The following FMNL1 variants were observed in gnomAD, a reference collection of about 807,000 sequenced individuals.
FMNL1 encodes the protein formin-like protein 1.
FMNL1 carries 43 observed loss-of-function variants against 121.3 expected under a neutral mutation model. The observed-to-expected ratio is 0.35, with a 90% CI of 0.28 to 0.46. The LOEUF is 0.46. Among genes scored for constraint, FMNL1 ranks in the 20% least tolerant of loss-of-function variants. The pLI, the probability that FMNL1 is intolerant of heterozygous loss-of-function variation, is 1.00. For missense variants in FMNL1, 1,191 were observed against 1,482.4 expected (o/e 0.80, Z 3.23); for synonymous variants, 613 against 613.5 (o/e 1.00, Z 0.01).
At chr17:45,232,623 A>ATT in intron 3 of FMNL1, 143 bp downstream of exon 3, 1 of 772,442 alleles carries the variant, frequency 1.3e-6, no homozygotes, top group Non-Finnish European at 2.2e-6. Context: ...GTGTCTGTGT[A>ATT]TTTATAGGGG....
Position 45,241,944 on chromosome 17 carries a change from G to A in FMNL1, c.1683G>A (p.Ala561=). 6.0e-6 allele frequency: 8 copies of A among 1,331,586 alleles called. No homozygotes were observed. Among genetic ancestry groups the A allele is most frequent in the Non-Finnish European group, 7.6e-6 (8 of 1,048,006 alleles). 82.5% of individuals were successfully genotyped at this position (1,331,586 alleles called of 1,614,324 possible). The part of the protein sequence containing the change: ...LPSPQEAPPS[A]PPQAPPLPGS... ...CCCCGCAGGAAGCCCCGCCCTCTGC[G>A]CCCCCACAGGCCCCGCCTCTCCCTG... The change falls in exon 15 of 27, where the codon GCG becomes GCA. Residue 561 remains alanine, a synonymous_variant. Transcript: ENST00000331495. The surrounding 1 kb of genome is among the most constrained non-coding windows in gnomAD (Gnocchi z 7.0).
In FMNL1 at chr17:45,234,055, T is replaced by C. The variant is rs1393184268; in HGVS notation, c.486-17T>C. 2 of 1,613,212 alleles carry C rather than the reference T, an allele frequency of 1.2e-6. No homozygotes were observed. Among genetic ancestry groups the C allele is most frequent in the Admixed American group, 1.7e-5 (1 of 59,938 alleles). The stretch of plus-strand genomic sequence containing the variant: ...CCTGCAGTGTTGGCCTCCAGCCCCA[T>C]TGCATCCTGTCCCCAGGTATGACAT... On this transcript the variant is annotated splice_polypyrimidine_tract_variant and intron_variant, in intron 5 of 26. Transcript: ENST00000331495.
At chr17:45,225,872 G>C (rs1025323200) in intron 1 of FMNL1, among the ~76,000 whole-genome samples, 5 of 152,144 alleles carry the variant, frequency 3.3e-5, no homozygotes, top group African/African-American at 1.2e-4. Flanking sequence ...GGCATCTGCT[G>C]GCCTCCTAGG....
In FMNL1 at chr17:45,233,081, G is replaced by A. The variant is rs926256112; in HGVS notation, c.328-143G>A. On this transcript the variant is annotated intron_variant, in intron 3 of 26. Transcript: ENST00000331495. This position sits in a 1 kb window ranked among gnomAD's most constrained non-coding sequence, Gnocchi z 4.1. ...TTCTTATTCTGCTGGGCAGGTGTGTGGAGGTGGTGGGGGAGGCTGAGCATG... is the reference window on the plus strand; with the variant it reads ...TTCTTATTCTGCTGGGCAGGTGTGTAGAGGTGGTGGGGGAGGCTGAGCATG... The A allele has an allele frequency of 1.3e-6, 1 of 753,020 alleles. No individual in the cohort carries two copies. The highest frequency in any genetic ancestry group is 2.3e-6 in the Non-Finnish European group (1 of 429,404). The allele number at this position is 753,020 out of a possible 1,614,324, so 46.6% of individuals were successfully genotyped here.
Position 45,233,965 on chromosome 17 carries a change from T to C in FMNL1, c.486-107T>C. The C allele has an allele frequency of 6.8e-7, 1 of 1,479,118 alleles. No homozygotes were observed. The highest frequency in any genetic ancestry group is 9.1e-7 in the Non-Finnish European group (1 of 1,101,982). The allele number at this position is 1,479,118 out of a possible 1,614,324, so 91.6% of individuals were successfully genotyped here. ...TGCCAAGAACACAGCCTCCTCCTCCTGCTCCTTAGTCTCACCTGCAGGTCT... is the reference window on the plus strand; with the variant it reads ...TGCCAAGAACACAGCCTCCTCCTCCCGCTCCTTAGTCTCACCTGCAGGTCT... On this transcript the variant is annotated intron_variant, in intron 5 of 26. Transcript: ENST00000331495. This position sits in a 1 kb window ranked among gnomAD's most constrained non-coding sequence, Gnocchi z 4.1.
rs750485206 is a variant in FMNL1 at position 45,238,968 on chromosome 17, A to T, written c.983A>T (p.Gln328Leu). ...CCTGGCTCCCAGGTGGCCTGCATGCAGTTCATCAACATTGTGGTACATTCG... is the reference window on the plus strand; with the variant it reads ...CCTGGCTCCCAGGTGGCCTGCATGCTGTTCATCAACATTGTGGTACATTCG... ...SNIDFMVACM[Q>L]FINIVVHSVE... Residue 328 changes from glutamine to leucine, a missense_variant, in exon 11 of 27, where the codon CAG becomes CTG. Transcript: ENST00000331495. 6.2e-7 allele frequency: 1 copy of T among 1,614,174 alleles called. No individual in the cohort carries two copies. The highest frequency in any genetic ancestry group is 1.1e-5 in the South Asian group (1 of 91,082).
chr17:45,228,367 G>A (rs1356618471), intron 1 of FMNL1, among the ~76,000 whole-genome samples: 3 of 152,202 alleles, frequency 2.0e-5, no homozygotes, highest in Admixed American at 6.5e-5. Flanking sequence ...GTTCAGACAG[G>A]TGCTCCAGGC....
chr17:45,230,775 C>A (rs1027064213), intron 2 of FMNL1, 88 bp downstream of exon 2: 3 of 1,365,580 alleles, frequency 2.2e-6, no homozygotes, highest in Non-Finnish European at 3.0e-6. Context: ...AGAGGGGCAC[C>A]GCCATACTGC....
In FMNL1 at chr17:45,245,675, A is replaced by G. The variant is rs750598051; in HGVS notation, c.2936A>G (p.Lys979Arg). The stretch of plus-strand genomic sequence containing the variant: ...GTGGAGTACTTCGGAGAGAACCCCA[A>G]GACCACATCCCCAGGCCTGTTCTTC... The part of the protein sequence containing the change: ...SVVEYFGENP[K>R]TTSPGLFFSL... Residue 979 changes from lysine to arginine, a missense_variant, in exon 23 of 27, where the codon AAG (lysine) becomes AGG (arginine). Physicochemically the swap from Lys to Arg is conservative, Grantham distance 26. Around this residue, in one of 4 missense-constraint regions of FMNL1, gnomAD observed 367 missense variants for 528.6 expected, o/e 0.69. Coordinates refer to ENST00000331495, the MANE Select transcript of FMNL1 (RefSeq NM_005892.4). The G allele has an allele frequency of 4.3e-6, 7 of 1,614,080 alleles. No individual in the cohort carries two copies. The highest frequency in any genetic ancestry group is 3.3e-4 in the Middle Eastern group (2 of 6,060).
chr17:45,239,351 C>T (rs1598201610), intron 11 of FMNL1: 2 of 398,772 alleles, frequency 5.0e-6, no homozygotes, highest in East Asian at 5.2e-5. Flanking sequence ...GGCACCAGAA[C>T]AGGTCAAGGT....
intron 2 of FMNL1, among the ~76,000 whole-genome samples, 181 bp from the exon 3 acceptor site, chr17:45,232,186 G>GA (rs905138666): frequency 2.0e-5 from 3 of 151,296 alleles, no homozygotes; most frequent in African/African-American, 2.4e-5. Context: ...TAAAAGAAAA[G>GA]AAAAAAAAAG....
rs774585931 is a variant in FMNL1 at position 45,232,351 on chromosome 17, C to G, written c.214-16C>G. On this transcript the variant is annotated splice_polypyrimidine_tract_variant and intron_variant, in intron 2 of 26. Transcript: ENST00000331495. Reference sequence around the variant, plus strand: ...GCTCTGGCTGGTTTTCTGTACACCCCATTCCATCTCCCCAGGAGCGGTTTC... The same window carrying G: ...GCTCTGGCTGGTTTTCTGTACACCCGATTCCATCTCCCCAGGAGCGGTTTC... 4.3e-6 allele frequency: 7 copies of G among 1,612,430 alleles called. No individual in the cohort carries two copies. In the East Asian group the frequency reaches 1.6e-4, roughly 36 times the overall value.
rs182570413 is a variant in FMNL1 at position 45,237,499 on chromosome 17, C to T, written c.801-47C>T. On this transcript the variant is annotated intron_variant, in intron 8 of 26. Transcript: ENST00000331495. This position sits in a 1 kb window ranked among gnomAD's most constrained non-coding sequence, Gnocchi z 4.4. ...GCCAGGCCTGTGCCCACCCTTGCCGCGGGTCCTGCCTGTTCTCAAGGGACA... is the reference window on the plus strand; with the variant it reads ...GCCAGGCCTGTGCCCACCCTTGCCGTGGGTCCTGCCTGTTCTCAAGGGACA... 30 of 1,611,718 alleles carry T rather than the reference C, an allele frequency of 1.9e-5. No homozygotes were observed. The highest frequency in any genetic ancestry group is 1.3e-4 in the East Asian group (6 of 44,876).
In FMNL1 at chr17:45,241,243, C is replaced by A. The variant is rs749302029; in HGVS notation, c.1332+13C>A. The A allele has an allele frequency of 1.2e-6, 2 of 1,613,854 alleles. No homozygotes were observed. The highest frequency in any genetic ancestry group is 2.2e-5 in the East Asian group (1 of 44,872). ...GGAGACCCTGCGGGTGAGGCTGGGG[C>A]GGGTGGTAGGCCAGGCGCCCAAGAA... On this transcript the variant is annotated intron_variant, in intron 13 of 26. Coordinates refer to ENST00000331495, the MANE Select transcript of FMNL1 (RefSeq NM_005892.4). The surrounding 1 kb of genome is among the most constrained non-coding windows in gnomAD (Gnocchi z 7.0).
In FMNL1 at chr17:45,233,527, G is replaced by T. The variant is rs1272095694; in HGVS notation, c.402-121G>T. 6 of 1,160,260 alleles carry T rather than the reference G, an allele frequency of 5.2e-6. No individual in the cohort carries two copies. Among genetic ancestry groups the T allele is most frequent in the Non-Finnish European group, 7.4e-6 (6 of 807,666 alleles). 71.9% of individuals were successfully genotyped at this position (1,160,260 alleles called of 1,614,324 possible). On this transcript the variant is annotated intron_variant, in intron 4 of 26. Transcript: ENST00000331495. This position sits in a 1 kb window ranked among gnomAD's most constrained non-coding sequence, Gnocchi z 4.1. ...CCACCTGAGTCTCCCAGAATCCTTT[G>T]GTATCATTGGGTCTTTGGGGGTTGA...
At position 45,241,260 on chromosome 17, in the gene FMNL1, G is replaced by T. The variant is rs1291613247; in HGVS notation, c.1332+30G>T. 5 of 1,613,654 alleles carry T rather than the reference G, an allele frequency of 3.1e-6. No individual in the cohort carries two copies. Among genetic ancestry groups the T allele is most frequent in the Non-Finnish European group, 4.2e-6 (5 of 1,179,860 alleles). Reference sequence around the variant, plus strand: ...GGCTGGGGCGGGTGGTAGGCCAGGCGCCCAAGAACAGGCCAGCTGAGGCTT... The same window carrying T: ...GGCTGGGGCGGGTGGTAGGCCAGGCTCCCAAGAACAGGCCAGCTGAGGCTT... On this transcript the variant is annotated intron_variant, in intron 13 of 26. Transcript: ENST00000331495. The surrounding 1 kb of genome is among the most constrained non-coding windows in gnomAD (Gnocchi z 7.0).
rs1283967749 is a variant in FMNL1, at chr17:45,243,923, C to T, written c.2346C>T (p.Asp782=). Residue 782 remains aspartate, a synonymous_variant, in exon 18 of 27, where the codon GAC becomes GAT. Coordinates refer to ENST00000331495, the MANE Select transcript of FMNL1 (RefSeq NM_005892.4). ...CAATGGAGGAGCTGTCAGAGGAGGA[C>T]CGCTTCATGCTATGCTTCAGCCGCA... ...QRPMEELSEE[D]RFMLCFSRIP... 6.2e-7 allele frequency: 1 copy of T among 1,613,922 alleles called. No homozygotes were observed. The highest frequency in any genetic ancestry group is 1.1e-5 in the South Asian group (1 of 91,090).
chr17:45,245,596 G>A (rs771781541), intron 22 of FMNL1, 36 bp from the exon 23 acceptor site: 10 of 1,611,354 alleles, frequency 6.2e-6, no homozygotes, highest in Non-Finnish European at 6.8e-6. Flanking sequence ...GGCTGTGAGA[G>A]GTCTAAGCTG....
Position 45,237,184 on chromosome 17 carries a change from T to C in FMNL1, c.724-97T>C. On this transcript the variant is annotated intron_variant, in intron 7 of 26. Transcript: ENST00000331495. The surrounding 1 kb of genome is among the most constrained non-coding windows in gnomAD (Gnocchi z 4.4). ...GAAGTTGCGGTTGGATACAAAGAACTTCCTAAACTCGAGGGCAGTTAAAGA... is the reference window on the plus strand; with the variant it reads ...GAAGTTGCGGTTGGATACAAAGAACCTCCTAAACTCGAGGGCAGTTAAAGA... 2 of 1,125,866 alleles carry C rather than the reference T, an allele frequency of 1.8e-6. No homozygotes were observed. The highest frequency in any genetic ancestry group is 2.6e-6 in the Non-Finnish European group (2 of 757,704). 69.7% of individuals were successfully genotyped at this position (1,125,866 alleles called of 1,614,324 possible).
Sources: allele counts gnomAD v4.1 joint callset (sites outside exome capture counted in the v4.1 genomes callset), GRCh38; gene constraint gnomAD v4.1.1; regional missense constraint gnomAD v4.1.1; non-coding constraint Gnocchi (gnomAD v3.1); transcripts MANE v1.5; gene names NCBI Gene and HGNC (gene_info 2026-07-23, HGNC 2026-07-21).